PCDH11X: variants seen among roughly 807,000 people sequenced by gnomAD.
PCDH11X encodes protocadherin 11 X-linked, also known as protocadherin-11 X-linked.
A neutral mutation model predicts 53.3 loss-of-function variants in PCDH11X; 18 were observed. The ratio of observed to expected loss-of-function variants is 0.34; its 90% CI spans 0.23 to 0.50. The LOEUF is 0.50. Among genes scored for constraint, PCDH11X ranks in the 20% least tolerant of loss-of-function variants. The probability of loss-of-function intolerance (pLI) is 0.98; values close to 1 mark genes in which losing one functional copy is unlikely to be tolerated. For missense variants in PCDH11X, 570 were observed against 1,032.4 expected (o/e 0.55, Z 6.14); for synonymous variants, 279 against 393.3 (o/e 0.71, Z 3.44).
intron 8 of PCDH11X, among the ~76,000 whole-genome samples, chrX:92,368,543 G>A (rs1260329515): frequency 2.7e-5 from 3 of 111,365 alleles, no homozygotes; most frequent in East Asian, 2.8e-4. Flanking sequence ...CCTTGCTGGA[G>A]AGGAGTTGCG....
At chrX:92,210,393 C>T (rs1331250549) in intron 7 of PCDH11X, among the ~76,000 whole-genome samples, 4 of 102,159 alleles carry the variant, frequency 3.9e-5, no homozygotes, top group African/African-American at 1.4e-4. Context: ...CACCCACCAC[C>T]ATGCCTGGCT....
At chrX:92,612,261 A>C (rs1927477641) in intron 10 of PCDH11X, among the ~76,000 whole-genome samples, 2 of 110,888 alleles carry the variant, frequency 1.8e-5, no homozygotes, top group Admixed American at 9.6e-5. Flanking sequence ...TTTTAAAATT[A>C]CTGATACAAT....
intron 9 of PCDH11X, among the ~76,000 whole-genome samples, chrX:92,437,464 A>G (rs1173061203): frequency 2.7e-5 from 3 of 111,769 alleles, no homozygotes; most frequent in Non-Finnish European, 5.7e-5. Context: ...TTACTTAAAT[A>G]CATAATTGAC....
intron 4 of PCDH11X, among the ~76,000 whole-genome samples, chrX:91,820,194 G>T (rs1350695102): frequency 1.2e-5 from 1 of 86,810 alleles, no homozygotes; most frequent in Non-Finnish European, 2.1e-5. Context: ...CCCAGTAATG[G>T]GATGGCTGGG....
chrX:92,026,310 T>G (rs2148007868), intron 6 of PCDH11X, among the ~76,000 whole-genome samples: 1 of 109,918 alleles, frequency 9.1e-6, no homozygotes, highest in Admixed American at 9.8e-5. Context: ...CATTCATTTA[T>G]GTAATGCCTA....
chrX:92,128,797 T>C (rs777830352), intron 6 of PCDH11X, among the ~76,000 whole-genome samples: 2 of 110,825 alleles, frequency 1.8e-5, no homozygotes, highest in South Asian at 3.8e-4. Flanking sequence ...TGTGTCAAAA[T>C]TGATTCATTT....
intron 7 of PCDH11X, among the ~76,000 whole-genome samples, chrX:92,222,303 C>T (rs1205700022): frequency 1.8e-5 from 2 of 111,787 alleles, no homozygotes; most frequent in South Asian, 3.8e-4. Flanking sequence ...GTAAAAATGT[C>T]GGATTGCCCT....
chrX:92,534,736 T>C (rs775424463), intron 10 of PCDH11X, among the ~76,000 whole-genome samples: 1 of 110,559 alleles, frequency 9.0e-6, no homozygotes, highest in South Asian at 3.8e-4. Context: ...CAGAAGAGAG[T>C]GGGGGCCAAT....
chrX:92,084,619 A>G (rs2063920713), intron 6 of PCDH11X, among the ~76,000 whole-genome samples: 1 of 111,161 alleles, frequency 9.0e-6, no homozygotes, highest in African/African-American at 3.3e-5. Context: ...TAATTTACAC[A>G]TAATATTGAG....
intron 9 of PCDH11X, among the ~76,000 whole-genome samples, chrX:92,438,872 T>C (rs1167090181): frequency 9.0e-6 from 1 of 111,293 alleles, no homozygotes; most frequent in Admixed American, 9.6e-5. Context: ...ACTGAACAGA[T>C]TTGTATGCTT....
chrX:92,210,961 T>C (rs767600593), intron 7 of PCDH11X, among the ~76,000 whole-genome samples: 1 of 111,829 alleles, frequency 8.9e-6, no homozygotes, highest in African/African-American at 3.3e-5. Flanking sequence ...AAACTTTCCC[T>C]CATCTTCCTG....
At chrX:92,345,202 G>A (rs1293813692) in intron 8 of PCDH11X, among the ~76,000 whole-genome samples, 1 of 110,714 alleles carries the variant, frequency 9.0e-6, no homozygotes, top group Admixed American at 9.7e-5. Context: ...AAACAGAGCT[G>A]AAGAGGATAC....
At chrX:92,421,514 A>T (rs2071966055) in intron 9 of PCDH11X, among the ~76,000 whole-genome samples, 1 of 111,673 alleles carries the variant, frequency 9.0e-6, no homozygotes, top group Non-Finnish European at 1.9e-5. Context: ...TGTTCCATTG[A>T]TGGGCATTTA....
chrX:92,569,612 G>T (rs1921945289), intron 10 of PCDH11X, among the ~76,000 whole-genome samples: 1 of 111,012 alleles, frequency 9.0e-6, no homozygotes, highest in African/African-American at 3.3e-5. Context: ...ATTATACCAT[G>T]AGCTCTTCCA....
intron 10 of PCDH11X, among the ~76,000 whole-genome samples, chrX:92,608,214 C>A (rs866788087): frequency 4.5e-5 from 4 of 89,559 alleles, no homozygotes; most frequent in African/African-American, 2.1e-4. Context: ...TTTTTTTTTT[C>A]TTTTCTGGAG....
At chrX:92,103,515 G>C (rs141896413) in intron 6 of PCDH11X, among the ~76,000 whole-genome samples, 3 of 111,501 alleles carry the variant, frequency 2.7e-5, no homozygotes, top group Non-Finnish European at 3.8e-5. Context: ...TCTTCAGCCG[G>C]TAAGCCAAGA....
chrX:92,012,063 C>T (rs925560773), intron 6 of PCDH11X, among the ~76,000 whole-genome samples: 3 of 110,994 alleles, frequency 2.7e-5, no homozygotes, highest in African/African-American at 9.8e-5. Context: ...GCCATTACAG[C>T]AACCTAATAG....
At chrX:92,520,287 A>T (rs7878928) in intron 10 of PCDH11X, among the ~76,000 whole-genome samples, 7,054 of 105,894 alleles carry the variant, frequency 0.067, 252 homozygotes, top group African/African-American at 0.12. Context: ...GCTATAGTCT[A>T]TTAAATGTGC....
intron 6 of PCDH11X, among the ~76,000 whole-genome samples, chrX:92,174,697 G>A (rs1242521982): frequency 1.8e-5 from 2 of 111,694 alleles, no homozygotes. Context: ...CAATTACAAT[G>A]TACAAGTCTC....
Sources: gnomAD v4.1 joint callset for allele counts (sites outside exome capture counted in the v4.1 genomes callset) on GRCh38, gnomAD v4.1.1 for gene constraint, MANE v1.5 for transcripts, NCBI Gene and HGNC (gene_info 2026-07-23, HGNC 2026-07-21) for gene names.